STK39: variants seen among roughly 807,000 people sequenced by gnomAD.
STK39 encodes the protein serine/threonine kinase 39, also known as STE20/SPS1-related proline-alanine-rich protein kinase.
STK39 carries 20 observed loss-of-function variants against 77.8 expected under a neutral mutation model. The ratio of observed to expected loss-of-function variants is 0.26; its 90% CI spans 0.18 to 0.37. The LOEUF is 0.37. STK39 is among the 10% of genes least tolerant of loss of function. STK39 has a pLI of 1.00. For synonymous variants in STK39, 246 were observed against 234.1 expected, an observed-to-expected ratio of 1.05 and a Z score of -0.47; for missense variants, 479 against 656.5, an observed-to-expected ratio of 0.73 and a Z score of 2.95.
chr2:168,229,295 G>T (rs1690386753), intron 1 of STK39, among the ~76,000 whole-genome samples: 1 of 151,122 alleles, frequency 6.6e-6, no homozygotes, highest in South Asian at 2.1e-4. Flanking sequence ...TGAGGCAGGA[G>T]AACTGCTTGA....
chr2:167,991,677 C>T (rs553584577), intron 16 of STK39, among the ~76,000 whole-genome samples: 8 of 152,248 alleles, frequency 5.3e-5, no homozygotes, highest in African/African-American at 1.9e-4. Flanking sequence ...AACAAATGAC[C>T]AGGGAATCCA....
At chr2:168,070,460 T>C (rs1224015247) in intron 12 of STK39, among the ~76,000 whole-genome samples, 8 of 151,944 alleles carry the variant, frequency 5.3e-5, no homozygotes, top group Non-Finnish European at 1.2e-4. Flanking sequence ...TTTTTTTTAA[T>C]TATACTTTAA....
At chr2:168,140,619 A>C in intron 6 of STK39, 30 bp downstream of exon 6, 1 of 1,551,060 alleles carries the variant, frequency 6.4e-7, no homozygotes, top group Non-Finnish European at 8.8e-7. Flanking sequence ...TACTATGTCC[A>C]TCAAAAAGTC....
chr2:167,956,538 T>G (rs1691768644), intron 17 of STK39, among the ~76,000 whole-genome samples: 1 of 145,830 alleles, frequency 6.9e-6, no homozygotes, highest in Admixed American at 6.9e-5. Context: ...CACTCCAGCC[T>G]GGCGACAGAG....
At position 168,066,375 on chromosome 2, in the gene STK39, A is replaced by G. The variant is rs141040772; in HGVS notation, c.1243-994T>C. Among the ~76,000 whole-genome samples, 1,150 of 152,330 alleles carry G rather than the reference A, an allele frequency of 7.5e-3. 9 individuals carry two copies. The highest frequency in any genetic ancestry group is 0.026 in the African/African-American group (1,060 of 41,560). ...TATAGGTATACGGCGTTCACTATAA[A>G]ATGTTTTAATGTTGCTCTATTTATT... On this transcript the variant is annotated intron_variant, in intron 12 of 17. Transcript: ENST00000355999.
intron 2 of STK39, among the ~76,000 whole-genome samples, chr2:168,178,077 A>G (rs1400959465): frequency 2.0e-5 from 3 of 152,230 alleles, no homozygotes; most frequent in Non-Finnish European, 4.4e-5. Flanking sequence ...AGGGGGTTTG[A>G]TAATTCTGGT....
At chr2:168,217,160 C>T (rs141612105) in intron 1 of STK39, among the ~76,000 whole-genome samples, 155 of 152,340 alleles carry the variant, frequency 1.0e-3, no homozygotes, top group African/African-American at 3.5e-3. Context: ...GCATCCCACT[C>T]TCCCATGTTA....
intron 10 of STK39, among the ~76,000 whole-genome samples, chr2:168,093,541 G>T (rs1325084826): frequency 1.3e-5 from 2 of 152,142 alleles, no homozygotes; most frequent in East Asian, 3.8e-4. Context: ...ATGGATTATG[G>T]GAGCTACAAT....
At chr2:168,218,543 A>T (rs1305310943) in intron 1 of STK39, among the ~76,000 whole-genome samples, 3 of 152,198 alleles carry the variant, frequency 2.0e-5, no homozygotes, top group Non-Finnish European at 4.4e-5. Flanking sequence ...TGCTAGAGCA[A>T]GGGCCAAGTC....
At chr2:168,149,089 G>C (rs193100133) in intron 5 of STK39, among the ~76,000 whole-genome samples, 32 of 152,250 alleles carry the variant, frequency 2.1e-4, no homozygotes, top group Admixed American at 9.8e-4. Context: ...CCAGGCCTTG[G>C]GAGATTCACC....
At chr2:168,201,867 G>A (rs1574550993) in intron 1 of STK39, among the ~76,000 whole-genome samples, 1 of 152,280 alleles carries the variant, frequency 6.6e-6, no homozygotes, top group East Asian at 1.9e-4. Context: ...AGGACACTGA[G>A]TCAAAATAAT....
chr2:168,058,611 C>T (rs1446415545), intron 14 of STK39, among the ~76,000 whole-genome samples: 1 of 152,200 alleles, frequency 6.6e-6, no homozygotes, highest in African/African-American at 2.4e-5. Context: ...TTATTCCATC[C>T]CAACCTGCAA....
intron 1 of STK39, among the ~76,000 whole-genome samples, chr2:168,230,502 A>G (rs1282060650): frequency 2.6e-5 from 4 of 152,196 alleles, no homozygotes; most frequent in Admixed American, 2.6e-4. Flanking sequence ...CAAGCTGACC[A>G]TGGGTCTGAC....
At chr2:167,960,523 C>T (rs1293114358) in intron 17 of STK39, among the ~76,000 whole-genome samples, 1 of 152,110 alleles carries the variant, frequency 6.6e-6, no homozygotes, top group African/African-American at 2.4e-5. Context: ...AGTTTGCCTC[C>T]CCTGCCAAAG....
chr2:168,244,383 G>A (rs920723696), intron 1 of STK39, among the ~76,000 whole-genome samples: 1 of 152,220 alleles, frequency 6.6e-6, no homozygotes, highest in African/African-American at 2.4e-5. Context: ...CCGTGCCCGT[G>A]CCATGCTGGA....
intron 10 of STK39, among the ~76,000 whole-genome samples, chr2:168,102,745 C>G (rs964666347): frequency 2.0e-5 from 3 of 151,840 alleles, no homozygotes; most frequent in Admixed American, 6.6e-5. Flanking sequence ...CTGGCTAACA[C>G]GGTGAAACCC....
intron 1 of STK39, among the ~76,000 whole-genome samples, chr2:168,225,917 T>A (rs10167108): frequency 0.38 from 58,287 of 151,928 alleles, 12,082 homozygotes; most frequent in Non-Finnish European, 0.48. Context: ...AGGGACTCAC[T>A]AAAAACTAGA....
intron 1 of STK39, among the ~76,000 whole-genome samples, chr2:168,186,179 C>G (rs1293724135): frequency 6.6e-6 from 1 of 152,124 alleles, no homozygotes; most frequent in Non-Finnish European, 1.5e-5. Context: ...GCTTACTTTC[C>G]CTCTCTGTCC....
chr2:168,190,728 C>G (rs1209720548), intron 1 of STK39, among the ~76,000 whole-genome samples: 1 of 152,178 alleles, frequency 6.6e-6, no homozygotes, highest in Non-Finnish European at 1.5e-5. Flanking sequence ...AGACTGTAGG[C>G]TGGACACACT....
Sources: allele counts gnomAD v4.1 joint callset (sites outside exome capture counted in the v4.1 genomes callset), GRCh38; gene constraint gnomAD v4.1.1; transcripts MANE v1.5; gene names NCBI Gene and HGNC (gene_info 2026-07-23, HGNC 2026-07-21).